The following LRRFIP1 variants were observed in gnomAD, a reference collection of about 807,000 sequenced individuals.
LRRFIP1 encodes the protein leucine-rich repeat flightless-interacting protein 1.
LRRFIP1 carries 62 observed loss-of-function variants against 104.4 expected under a neutral mutation model. The observed-to-expected ratio is 0.59, with a 90% confidence interval of 0.48 to 0.73. The LOEUF (loss-of-function observed/expected upper bound fraction) is 0.73, where lower values mean the gene tolerates loss of function less well. Among genes scored for constraint, LRRFIP1 ranks in the 30% least tolerant of loss-of-function variants. LRRFIP1 has a pLI of 0.00. For synonymous variants in LRRFIP1, 300 were observed against 299.0 expected, an observed-to-expected ratio of 1.00 and a Z score of -0.03; for missense variants, 796 against 824.5, an observed-to-expected ratio of 0.97 and a Z score of 0.42.
In LRRFIP1 at chr2:237,764,015, A is replaced by G; in HGVS notation, c.1459+3810A>G. The G allele has an allele frequency of 1.9e-6, 3 of 1,614,230 alleles. No homozygotes were observed. In the South Asian group the frequency reaches 3.3e-5, roughly 18 times the overall value. ...CGTCAGGAAAGCTTTAGACAGCAATAGCCTAGAGAACGATGACTTGTCGGC... is the reference window on the plus strand; with the variant it reads ...CGTCAGGAAAGCTTTAGACAGCAATGGCCTAGAGAACGATGACTTGTCGGC... On this transcript the variant is annotated intron_variant, in intron 19 of 23. Coordinates refer to ENST00000308482, the MANE Select transcript of LRRFIP1 (RefSeq NM_001137550.2).
At chr2:237,701,767 C>A (rs1157196275) in intron 1 of LRRFIP1, among the ~76,000 whole-genome samples, 1 of 152,186 alleles carries the variant, frequency 6.6e-6, no homozygotes, top group African/African-American at 2.4e-5. Context: ...AGAACTAGAG[C>A]CCCTCAGGGC....
chr2:237,674,914 C>T (rs2149579534), intron 1 of LRRFIP1, among the ~76,000 whole-genome samples: 1 of 152,382 alleles, frequency 6.6e-6, no homozygotes, highest in African/African-American at 2.4e-5. Context: ...CAAACCCTCC[C>T]TTCCTTGCTG....
chr2:237,750,037 C>G (rs1392889998), intron 13 of LRRFIP1, among the ~76,000 whole-genome samples: 1 of 151,970 alleles, frequency 6.6e-6, no homozygotes, highest in Non-Finnish European at 1.5e-5. Flanking sequence ...TGAAAGGAGC[C>G]AGAACTGACT....
chr2:237,672,097 G>A (rs989700664), intron 1 of LRRFIP1, among the ~76,000 whole-genome samples: 2 of 151,806 alleles, frequency 1.3e-5, no homozygotes, highest in African/African-American at 4.8e-5. Flanking sequence ...CAATTACTTA[G>A]GCAGAAGTAG....
At chr2:237,652,235 A>C (rs2086059484) in intron 1 of LRRFIP1, among the ~76,000 whole-genome samples, 1 of 152,240 alleles carries the variant, frequency 6.6e-6, no homozygotes. Context: ...ACAGGGAAAA[A>C]TAAACTACAC....
chr2:237,740,556 G>T (rs552617732), intron 11 of LRRFIP1, among the ~76,000 whole-genome samples: 2 of 152,140 alleles, frequency 1.3e-5, no homozygotes, highest in African/African-American at 4.8e-5. Flanking sequence ...CCAAGAAGTC[G>T]CAGCGCTGAG....
At chr2:237,666,342 G>C (rs1279390335) in intron 1 of LRRFIP1, among the ~76,000 whole-genome samples, 2 of 152,218 alleles carry the variant, frequency 1.3e-5, no homozygotes, top group Non-Finnish European at 2.9e-5. Flanking sequence ...CTTTTAAAAT[G>C]ATCAGCAGTC....
intron 18 of LRRFIP1, 64 bp from the exon 19 acceptor site, chr2:237,760,000 T>C: frequency 6.7e-7 from 1 of 1,492,508 alleles, no homozygotes; most frequent in Non-Finnish European, 9.2e-7. Flanking sequence ...TATTATTGTA[T>C]TAAAACAGAG....
At chr2:237,641,411 C>T (rs1403723720) in intron 1 of LRRFIP1, among the ~76,000 whole-genome samples, 5 of 150,424 alleles carry the variant, frequency 3.3e-5, no homozygotes, top group Non-Finnish European at 1.5e-5. Flanking sequence ...GCAGGAGAAT[C>T]GCTTGAACCC....
intron 1 of LRRFIP1, among the ~76,000 whole-genome samples, chr2:237,701,430 G>C (rs1425756195): frequency 6.6e-6 from 1 of 152,354 alleles, no homozygotes; most frequent in Admixed American, 6.5e-5. Flanking sequence ...GCACATGTGG[G>C]CTAGGCCAGG....
chr2:237,632,114 C>T (rs7599317), intron 1 of LRRFIP1, among the ~76,000 whole-genome samples: 48,151 of 142,610 alleles, frequency 0.34, 7,528 homozygotes, highest in Non-Finnish European at 0.37. Flanking sequence ...AGTCCAGTTG[C>T]GGAGAAGGGG....
rs190185544 is a variant in LRRFIP1, at chr2:237,779,646, C to T, written c.*114C>T. 98 of 959,690 alleles carry T rather than the reference C, an allele frequency of 1.0e-4. No individual in the cohort carries two copies. The African/African-American group carries it at 1.1e-3, about 11-fold the overall frequency. The allele number at this position is 959,690 out of a possible 1,614,324, so 59.4% of individuals were successfully genotyped here. A position where few individuals can be genotyped will look rare whatever the true frequency, so the allele number is the denominator to read the frequency against. ...CCCCTGCCTTCCGAGAGACGAAGAC[C>T]GTGGCGAGCTTGGCGCTTAGGGGCT... On this transcript the variant is annotated 3_prime_UTR_variant, in exon 24 of 24. Transcript: ENST00000308482.
intron 1 of LRRFIP1, among the ~76,000 whole-genome samples, chr2:237,654,707 C>T (rs575719783): frequency 2.0e-5 from 3 of 152,108 alleles, no homozygotes; most frequent in South Asian, 4.2e-4. Flanking sequence ...CCTGCCAGCA[C>T]GCCTGGCTAC....
In LRRFIP1 at chr2:237,717,233, G is replaced by T. The variant is rs1407520709; in HGVS notation, c.202-529G>T. 6.6e-6 allele frequency among the ~76,000 whole-genome samples: 1 copy of T among 152,166 alleles called. No individual in the cohort carries two copies. The highest frequency in any genetic ancestry group is 2.4e-5 in the African/African-American group (1 of 41,436). Reference sequence around the variant, plus strand: ...TCTCTCCATCCCTGCTACAAAGACAGCAAAGTCTATGAATTCTCACAGGCC... The same window carrying T: ...TCTCTCCATCCCTGCTACAAAGACATCAAAGTCTATGAATTCTCACAGGCC... On this transcript the variant is annotated intron_variant, in intron 3 of 23. Transcript: ENST00000308482. The surrounding 1 kb of genome is among the most constrained non-coding windows in gnomAD (Gnocchi z 4.2).
At chr2:237,720,739 C>T (rs528890808) in intron 5 of LRRFIP1, 33 bp from the exon 6 acceptor site, 1 of 1,602,542 alleles carries the variant, frequency 6.2e-7, no homozygotes, top group African/African-American at 1.3e-5. Flanking sequence ...TGTATGATTC[C>T]TTCACGGTTG....
chr2:237,663,149 T>C (rs4663777), intron 1 of LRRFIP1, among the ~76,000 whole-genome samples: 85,788 of 152,150 alleles, frequency 0.56, 26,538 homozygotes, highest in East Asian at 0.78. Context: ...AGAACCCAGA[T>C]GGGCTAAGCT....
At chr2:237,663,059 G>C (rs375617072) in intron 1 of LRRFIP1, among the ~76,000 whole-genome samples, 1 of 152,146 alleles carries the variant, frequency 6.6e-6, no homozygotes, top group African/African-American at 2.4e-5. Context: ...AGCCGGCAGG[G>C]AGCTGGAACA....
In LRRFIP1 at chr2:237,774,408, T is replaced by C; in HGVS notation, c.1758T>C (p.Asn586=). The C allele has an allele frequency of 6.2e-7, 1 of 1,613,718 alleles. No individual in the cohort carries two copies. The highest frequency in any genetic ancestry group is 8.5e-7 in the Non-Finnish European group (1 of 1,179,796). The change falls in exon 23 of 24, where the codon AAT becomes AAC. Residue 586 remains asparagine, a synonymous_variant. Transcript: ENST00000308482. ...CACGTTACAAATCAGCGGCTGAAAA[T>C]GCAGAAAAAATAGAAGATGAACTTA... The part of the protein sequence containing the change: ...QVSRYKSAAE[N]AEKIEDELKA...
intron 8 of LRRFIP1, chr2:237,729,749 A>C (rs1407206061): frequency 1.0e-6 from 1 of 978,312 alleles, no homozygotes; most frequent in Non-Finnish European, 1.2e-6. Context: ...AGTGCTTGTC[A>C]CTTAAACGTG....
Sources: allele counts gnomAD v4.1 joint callset (sites outside exome capture counted in the v4.1 genomes callset), GRCh38; gene constraint gnomAD v4.1.1; non-coding constraint Gnocchi (gnomAD v3.1); transcripts MANE v1.5; gene names NCBI Gene and HGNC (gene_info 2026-07-23, HGNC 2026-07-21).